NUP160: variants seen among roughly 807,000 people sequenced by gnomAD.
NUP160 encodes the protein nucleoporin 160.
In NUP160, 94 loss-of-function variants were observed where a neutral mutation model predicts 196.9. The observed-to-expected ratio is 0.48, with a 90% confidence interval of 0.40 to 0.57. NUP160 has a LOEUF of 0.57. NUP160 is among the 20% of genes least tolerant of loss of function. NUP160 has a pLI of 0.00. For synonymous variants in NUP160, 605 were observed against 619.7 expected, an observed-to-expected ratio of 0.98 and a Z score of 0.35; for missense variants, 1,638 against 1,748.3, an observed-to-expected ratio of 0.94 and a Z score of 1.13.
chr11:47,831,120 G>A (rs922821579), intron 7 of NUP160, among the ~76,000 whole-genome samples: 106 of 152,056 alleles, frequency 7.0e-4, no homozygotes, highest in African/African-American at 2.5e-3. Flanking sequence ...CCGAGATCAC[G>A]CCACTGCACT....
exon 36 of NUP160, chr11:47,778,984 C>T: frequency 1.4e-6 from 1 of 717,234 alleles, no homozygotes; most frequent in South Asian, 1.5e-5. Flanking sequence ...AGAATGCAGA[C>T]TTGAATGTTG....
intron 29 of NUP160, among the ~76,000 whole-genome samples, chr11:47,789,140 G>A (rs989187866): frequency 1.3e-5 from 2 of 152,040 alleles, no homozygotes; most frequent in Non-Finnish European, 2.9e-5. Flanking sequence ...GCCTCCCAAC[G>A]TGCTGGGATT....
At chr11:47,817,630 C>A (rs927026595) in intron 11 of NUP160, among the ~76,000 whole-genome samples, 8 of 152,182 alleles carry the variant, frequency 5.3e-5, no homozygotes, top group Non-Finnish European at 7.3e-5. Flanking sequence ...CAGGCGTGAG[C>A]CACCACGCCC....
At chr11:47,812,080 A>G in exon 17 of NUP160, 1 of 1,614,150 alleles carries the variant, frequency 6.2e-7, no homozygotes, top group South Asian at 1.1e-5. Context: ...TCCAAGCCTC[A>G]TTAACAGCTG....
At chr11:47,800,961 GGT>G (rs1402811703) in intron 23 of NUP160, among the ~76,000 whole-genome samples, 3 of 152,150 alleles carry the variant, frequency 2.0e-5, no homozygotes, top group Non-Finnish European at 4.4e-5. Context: ...ATGGAATGAG[GGT>G]GTGAGGAAGG....
chr11:47,826,810 G>A (rs1057075108), intron 7 of NUP160, among the ~76,000 whole-genome samples: 4 of 152,004 alleles, frequency 2.6e-5, no homozygotes, highest in South Asian at 2.1e-4. Flanking sequence ...TGATCTGCCC[G>A]CCTTGGCCTC....
chr11:47,815,593 T>C (rs752234780), exon 13 of NUP160: 11 of 1,612,880 alleles, frequency 6.8e-6, no homozygotes, highest in Admixed American at 6.7e-5. Flanking sequence ...AGAATTCTTG[T>C]TGTAAATTTC....
chr11:47,812,807 C>A, intron 15 of NUP160, 75 bp downstream of exon 15: 2 of 1,226,862 alleles, frequency 1.6e-6, no homozygotes, highest in East Asian at 2.3e-5. Flanking sequence ...CTGGAACATA[C>A]ATTAAAATTC....
intron 17 of NUP160, 38 bp from the exon 18 acceptor site, chr11:47,808,567 T>A: frequency 6.3e-7 from 1 of 1,576,296 alleles, no homozygotes. Context: ...CAAGAAATTA[T>A]AGCAATTAGT....
intron 21 of NUP160, 131 bp downstream of exon 21, chr11:47,804,418 G>T (rs1425604798): frequency 6.3e-6 from 4 of 637,266 alleles, no homozygotes; most frequent in Non-Finnish European, 1.1e-5. Context: ...TCTCTTTGGG[G>T]TATGTCTTCA....
intron 7 of NUP160, among the ~76,000 whole-genome samples, chr11:47,824,008 CATATATATATATATATATATAT>C (rs58246222): frequency 8.6e-4 from 63 of 73,122 alleles, no homozygotes; most frequent in African/African-American, 3.3e-3. Flanking sequence ...AATTCTTTTG[CATATATATATATATATATATAT>C]ATATATATAT....
chr11:47,794,568 A>G (rs1260463352), intron 27 of NUP160, among the ~76,000 whole-genome samples: 1 of 152,192 alleles, frequency 6.6e-6, no homozygotes, highest in Non-Finnish European at 1.5e-5. Context: ...CAGAAATTCA[A>G]GACCAGCCTG....
intron 34 of NUP160, among the ~76,000 whole-genome samples, chr11:47,782,306 ATATATATATATATATATATATAT>A (rs1565184606): frequency 0.025 from 1,051 of 42,314 alleles, 152 homozygotes; most frequent in Middle Eastern, 0.11. Flanking sequence ...AAAAAAAAAT[ATATATATATATATATATATATAT>A]ATATATATAT....
intron 13 of NUP160, among the ~76,000 whole-genome samples, chr11:47,814,070 C>CAAAAA (rs5791787): frequency 2.0e-4 from 8 of 39,852 alleles, no homozygotes; most frequent in East Asian, 1.1e-3. Flanking sequence ...GACTCTGTCT[C>CAAAAA]AAAAAAAAAA....
At position 47,837,638 on chromosome 11, in the gene NUP160, A is replaced by G; in HGVS notation, c.749-15T>C. 1 of 1,607,698 alleles carries G rather than the reference A, an allele frequency of 6.2e-7. No individual in the cohort carries two copies. The highest frequency in any genetic ancestry group is 8.5e-7 in the Non-Finnish European group (1 of 1,174,120). ...TGACACCATACCTGCAATGATATCC[A>G]AGGCACCTCTTGAACACACTTAGAG... On this transcript the variant is annotated splice_polypyrimidine_tract_variant and intron_variant, in intron 4 of 35. Transcript: ENST00000378460.
intron 28 of NUP160, 88 bp downstream of exon 28, chr11:47,792,698 T>C: frequency 8.2e-7 from 1 of 1,220,978 alleles, no homozygotes; most frequent in South Asian, 1.7e-5. Context: ...AGAAGCAAAA[T>C]GACACAATAG....
chr11:47,824,045 A>ATATATATATATG (rs1565203496), intron 7 of NUP160, among the ~76,000 whole-genome samples: 11 of 98,342 alleles, frequency 1.1e-4, no homozygotes, highest in Admixed American at 4.5e-4. Context: ...ATATATATAT[A>ATATATATATATG]TATATATACA....
intron 23 of NUP160, among the ~76,000 whole-genome samples, chr11:47,798,669 T>A (rs1001196243): frequency 2.0e-5 from 3 of 151,710 alleles, no homozygotes; most frequent in Admixed American, 2.0e-4. Flanking sequence ...TACAAAAAAA[T>A]TTTTTTAAAA....
intron 13 of NUP160, among the ~76,000 whole-genome samples, chr11:47,814,134 C>T (rs1449960579): frequency 8.1e-6 from 1 of 123,046 alleles, no homozygotes; most frequent in Non-Finnish European, 1.7e-5. Flanking sequence ...ACAGCAAGAC[C>T]CTGCCTCAAA....
Sources: gnomAD v4.1 joint callset for allele counts (sites outside exome capture counted in the v4.1 genomes callset) on GRCh38, gnomAD v4.1.1 for gene constraint, MANE v1.5 for transcripts, NCBI Gene and HGNC (gene_info 2026-07-23, HGNC 2026-07-21) for gene names.